Variants in MAGI3 observed in about 807,000 individuals in gnomAD.
The protein encoded by MAGI3 is membrane-associated guanylate kinase, WW and PDZ domain-containing protein 3.
Under a neutral mutation model 121.8 loss-of-function variants are expected in MAGI3, and 43 were observed. That is an observed-to-expected ratio of 0.35 (90% confidence interval 0.28 to 0.46). The LOEUF (loss-of-function observed/expected upper bound fraction) is 0.46. Among genes scored for constraint, MAGI3 ranks in the 20% least tolerant of loss-of-function variants. The pLI is 1.00. For synonymous variants in MAGI3, 553 were observed against 639.3 expected, an observed-to-expected ratio of 0.86 and a Z score of 2.04; for missense variants, 1,547 against 1,797.3, an observed-to-expected ratio of 0.86 and a Z score of 2.52.
At chr1:113,441,961 T>G (rs1395769620) in intron 1 of MAGI3, among the ~76,000 whole-genome samples, 1 of 152,180 alleles carries the variant, frequency 6.6e-6, no homozygotes, top group Non-Finnish European at 1.5e-5. Flanking sequence ...ATTGCATGAT[T>G]TCATTCTTTG....
intron 19 of MAGI3, among the ~76,000 whole-genome samples, chr1:113,674,056 T>C (rs957460143): frequency 1.3e-5 from 2 of 152,246 alleles, no homozygotes; most frequent in Non-Finnish European, 2.9e-5. Context: ...AAGATAGTTT[T>C]TCCTTCTTCT....
At chr1:113,589,525 A>G (rs1000036806) in intron 4 of MAGI3, among the ~76,000 whole-genome samples, 14 of 152,190 alleles carry the variant, frequency 9.2e-5, no homozygotes, top group African/African-American at 2.9e-4. Flanking sequence ...ATAGTGGTTC[A>G]TCATGGAATT....
chr1:113,396,840 G>C (rs979541132), intron 1 of MAGI3, among the ~76,000 whole-genome samples: 3 of 152,102 alleles, frequency 2.0e-5, no homozygotes, highest in African/African-American at 7.2e-5. Context: ...AGGAATACCT[G>C]TAGTAAGGGT....
At chr1:113,405,856 T>C (rs1183098810) in intron 1 of MAGI3, among the ~76,000 whole-genome samples, 1 of 152,178 alleles carries the variant, frequency 6.6e-6, no homozygotes, top group Non-Finnish European at 1.5e-5. Context: ...CTGATTGCAG[T>C]GCTCTTAACT....
rs888835534 is a variant in MAGI3 at position 113,656,706 on chromosome 1, C to T, written c.2630-2374C>T. Among the ~76,000 whole-genome samples the T allele has an allele frequency of 3.3e-5, 5 of 152,084 alleles. No individual in the cohort carries two copies. In the South Asian group the frequency reaches 6.2e-4, roughly 19 times the overall value. On this transcript the variant is annotated intron_variant, in intron 15 of 20. Transcript: ENST00000307546. ...TGCTGGGATTACAGACATGAGCCAC[C>T]GTGCCCAGCCAGATCATTCTTTATG...
intron 2 of MAGI3, among the ~76,000 whole-genome samples, chr1:113,564,462 G>A (rs188136383): frequency 7.4e-4 from 112 of 152,258 alleles, no homozygotes; most frequent in Non-Finnish European, 1.3e-3. Flanking sequence ...AAACTGGCAA[G>A]ATAAAATCAA....
At chr1:113,457,173 A>ACTGGCT (rs1287586098) in intron 1 of MAGI3, among the ~76,000 whole-genome samples, 1 of 152,164 alleles carries the variant, frequency 6.6e-6, no homozygotes, top group Admixed American at 6.5e-5. Context: ...AAGGAGCCTG[A>ACTGGCT]CTGGCTCCTA....
intron 1 of MAGI3, among the ~76,000 whole-genome samples, chr1:113,446,385 T>C (rs1654180694): frequency 6.6e-6 from 1 of 151,998 alleles, no homozygotes; most frequent in Non-Finnish European, 1.5e-5. Context: ...CTATAGAATA[T>C]ACACAAAAGG....
intron 15 of MAGI3, among the ~76,000 whole-genome samples, chr1:113,655,279 A>G: frequency 6.6e-6 from 1 of 152,224 alleles, no homozygotes; most frequent in Non-Finnish European, 1.5e-5. Context: ...CCAGGCATTC[A>G]GATTAACTAA....
At chr1:113,527,011 T>G (rs1048382483) in intron 1 of MAGI3, among the ~76,000 whole-genome samples, 9 of 152,210 alleles carry the variant, frequency 5.9e-5, no homozygotes, top group Non-Finnish European at 1.3e-4. Flanking sequence ...AGTACTCATT[T>G]TATAGGATTA....
intron 1 of MAGI3, among the ~76,000 whole-genome samples, chr1:113,480,204 TGAA>T (rs368919884): frequency 1.1e-3 from 162 of 152,352 alleles, no homozygotes; most frequent in East Asian, 3.1e-3. Flanking sequence ...TCTGCCCATT[TGAA>T]GAAGTAGGCA....
intron 1 of MAGI3, among the ~76,000 whole-genome samples, chr1:113,525,328 A>G (rs1658401187): frequency 6.6e-6 from 1 of 151,952 alleles, no homozygotes; most frequent in Non-Finnish European, 1.5e-5. Flanking sequence ...AGTTGTCCTG[A>G]CTCTTCAGTC....
chr1:113,682,821 T>C (rs1461000524), intron 20 of MAGI3, 76 bp from the exon 21 acceptor site: 18 of 1,460,566 alleles, frequency 1.2e-5, no homozygotes, highest in Non-Finnish European at 1.5e-5. Flanking sequence ...TTCAAATGGC[T>C]GTCAAAGTTC....
At chr1:113,509,109 G>C (rs1657484434) in intron 1 of MAGI3, among the ~76,000 whole-genome samples, 1 of 151,794 alleles carries the variant, frequency 6.6e-6, no homozygotes, top group African/African-American at 2.4e-5. Context: ...TTGATATAAG[G>C]GTTTGTTTTT....
intron 13 of MAGI3, 145 bp from the exon 14 acceptor site, chr1:113,650,868 CT>C (rs1416868195): frequency 1.3e-5 from 9 of 683,166 alleles, no homozygotes; most frequent in Non-Finnish European, 2.2e-5. Flanking sequence ...TGGGCACTTT[CT>C]CAGATAATAC....
chr1:113,462,002 T>G (rs1007631755), intron 1 of MAGI3, among the ~76,000 whole-genome samples: 3 of 152,030 alleles, frequency 2.0e-5, no homozygotes, highest in Non-Finnish European at 4.4e-5. Context: ...AAATGCAAAT[T>G]AAAATCACAG....
intron 1 of MAGI3, among the ~76,000 whole-genome samples, chr1:113,523,500 G>T (rs1658303455): frequency 6.6e-6 from 1 of 152,204 alleles, no homozygotes; most frequent in Non-Finnish European, 1.5e-5. Context: ...AGATGGAAAT[G>T]AGGAACTTGT....
intron 1 of MAGI3, among the ~76,000 whole-genome samples, chr1:113,399,017 T>A (rs1651262742): frequency 6.6e-6 from 1 of 152,066 alleles, no homozygotes; most frequent in Non-Finnish European, 1.5e-5. Context: ...TTGACTTACA[T>A]ACATTAAAAT....
chr1:113,509,360 T>C (rs1401988472), intron 1 of MAGI3, among the ~76,000 whole-genome samples: 2 of 142,520 alleles, frequency 1.4e-5, no homozygotes, highest in East Asian at 3.0e-4. Context: ...CTTTTCTTTT[T>C]TTTTTTTTGT....
Sources: allele counts gnomAD v4.1 joint callset (sites outside exome capture counted in the v4.1 genomes callset), GRCh38; gene constraint gnomAD v4.1.1; transcripts MANE v1.5; gene names NCBI Gene and HGNC (gene_info 2026-07-23, HGNC 2026-07-21).